MYOF: variants seen among roughly 807,000 people sequenced by gnomAD.
The protein encoded by MYOF is fer-1-like 3, myoferlin.
Under a neutral mutation model 284.2 loss-of-function variants are expected in MYOF, and 244 were observed. The ratio of observed to expected loss-of-function variants is 0.86; its 90% CI spans 0.77 to 0.95. The LOEUF (loss-of-function observed/expected upper bound fraction) is 0.95, where lower values mean the gene tolerates loss of function less well. Ranked by LOEUF, MYOF falls within the 40% of genes least tolerant of loss-of-function variation. The probability of loss-of-function intolerance (pLI) is 0.00; values close to 1 mark genes in which losing one functional copy is unlikely to be tolerated. For missense variants in MYOF, 2,496 were observed against 2,560.6 expected (o/e 0.97, Z 0.54); for synonymous variants, 904 against 919.7 (o/e 0.98, Z 0.31).
In MYOF at chr10:93,333,309, C is replaced by G. The variant is rs764941052; in HGVS notation, c.4723G>C (p.Asp1575His). ...LQPQDNNGLCDPYIKITLGKK... is the reference protein window; with the variant it reads ...LQPQDNNGLCHPYIKITLGKK... Reference sequence around the variant, plus strand: ...CCCAGTGTTATTTTTATGTAAGGGTCACACTGTGGGACAAAATAGACGGGA... The same window carrying G: ...CCCAGTGTTATTTTTATGTAAGGGTGACACTGTGGGACAAAATAGACGGGA... Residue 1575 changes from aspartate to histidine, a missense_variant, in exon 43 of 54, where the codon GAC (aspartate) becomes CAC (histidine). Physicochemically the swap from Asp to His is moderately conservative, Grantham distance 81. Around this residue, in one of 3 missense-constraint regions of MYOF, gnomAD observed 2,436 missense variants for 2,480.7 expected, o/e 0.98. Transcript: ENST00000359263. 13 of 1,613,264 alleles carry G rather than the reference C, an allele frequency of 8.1e-6. No homozygotes were observed. The East Asian group carries it at 2.7e-4, about 33-fold the overall frequency.
At chr10:93,399,029 TG>T (rs67935510) in intron 13 of MYOF, among the ~76,000 whole-genome samples, 122,053 of 150,732 alleles carry the variant, frequency 0.81, 50,623 homozygotes, top group East Asian at 0.99. Context: ...AACAGGGCAC[TG>T]GGGGGGGGTC....
intron 3 of MYOF, among the ~76,000 whole-genome samples, chr10:93,440,654 T>G (rs909223754): frequency 3.9e-5 from 6 of 152,164 alleles, no homozygotes; most frequent in Non-Finnish European, 8.8e-5. Flanking sequence ...CATTAGTAAA[T>G]ATTTGTGGCA....
At chr10:93,364,363 G>T (rs947186389) in intron 26 of MYOF, among the ~76,000 whole-genome samples, 8 of 152,218 alleles carry the variant, frequency 5.3e-5, no homozygotes, top group African/African-American at 1.9e-4. Flanking sequence ...ACAGTATTGT[G>T]GGCAGCTTCT....
chr10:93,383,450 G>A (rs1044949268), intron 19 of MYOF, among the ~76,000 whole-genome samples: 1 of 152,060 alleles, frequency 6.6e-6, no homozygotes, highest in Non-Finnish European at 1.5e-5. Context: ...AAGCTTTGAC[G>A]GGAGCATTGT....
intron 12 of MYOF, among the ~76,000 whole-genome samples, chr10:93,400,024 C>G (rs1847199283): frequency 6.6e-6 from 1 of 152,104 alleles, no homozygotes; most frequent in Non-Finnish European, 1.5e-5. Flanking sequence ...GAGTGAGGCT[C>G]TATCTCAAAA....
intron 3 of MYOF, among the ~76,000 whole-genome samples, chr10:93,433,518 GT>G (rs1384958458): frequency 3.9e-5 from 6 of 152,316 alleles, no homozygotes; most frequent in Admixed American, 1.3e-4. Context: ...GCACTGACTT[GT>G]ACTAGCAGAT....
At chr10:93,401,170 AAG>A (rs561505646) in intron 12 of MYOF, among the ~76,000 whole-genome samples, 4 of 152,182 alleles carry the variant, frequency 2.6e-5, no homozygotes, top group Non-Finnish European at 5.9e-5. Context: ...ATAGAATAGC[AAG>A]AGAGAGAGTC....
Position 93,356,713 on chromosome 10 carries a change from G to A in MYOF, c.3256C>T (p.His1086Tyr). The A allele has an allele frequency of 1.2e-6, 2 of 1,614,138 alleles. No individual in the cohort carries two copies. Among genetic ancestry groups the A allele is most frequent in the Non-Finnish European group, 1.7e-6 (2 of 1,180,006 alleles). Residue 1086 changes from histidine (H) to tyrosine (Y), a missense_variant, in exon 30 of 54, where the codon CAT becomes TAT. Physicochemically the swap from His to Tyr is moderately conservative, Grantham distance 83 (BLOSUM62 2). Coordinates refer to ENST00000359263, the MANE Select transcript of MYOF (RefSeq NM_013451.4). ...WRRKMAPSET[H>Y]GAAAIFKLEG... ...AGTTTAAAGATGGCAGCTGCACCATGTGTTTCTGAAGGAGCCATTTTTCTC... is the reference window on the plus strand; with the variant it reads ...AGTTTAAAGATGGCAGCTGCACCATATGTTTCTGAAGGAGCCATTTTTCTC...
At chr10:93,345,115 C>G (rs1324337382) in intron 37 of MYOF, among the ~76,000 whole-genome samples, 1 of 152,172 alleles carries the variant, frequency 6.6e-6, no homozygotes, top group Non-Finnish European at 1.5e-5. Flanking sequence ...GCCAAGCCAA[C>G]AGAACTTTCT....
intron 1 of MYOF, among the ~76,000 whole-genome samples, chr10:93,470,057 A>G (rs2057103365): frequency 6.6e-6 from 1 of 151,848 alleles, no homozygotes; most frequent in Non-Finnish European, 1.5e-5. Context: ...GGTGAAACCC[A>G]GTCTCTGCTA....
At chr10:93,445,601 A>G (rs939164455) in intron 3 of MYOF, among the ~76,000 whole-genome samples, 1 of 152,220 alleles carries the variant, frequency 6.6e-6, no homozygotes, top group Admixed American at 6.5e-5. Flanking sequence ...ACACTGAACA[A>G]GGCAACCCGC....
At chr10:93,319,215 T>G (rs1369918404) in intron 49 of MYOF, among the ~76,000 whole-genome samples, 1 of 152,216 alleles carries the variant, frequency 6.6e-6, no homozygotes, top group Non-Finnish European at 1.5e-5. Flanking sequence ...GGACAGGATG[T>G]GAGCTGAGGC....
At chr10:93,364,098 G>A in intron 26 of MYOF, 23 bp from the exon 27 acceptor site, 3 of 1,604,968 alleles carry the variant, frequency 1.9e-6, no homozygotes, top group Non-Finnish European at 2.6e-6. Flanking sequence ...GAGGGCTCAA[G>A]TTACCCAAGG....
At chr10:93,351,378 T>G (rs1844499459) in intron 34 of MYOF, 35 bp downstream of exon 34, 3 of 1,611,482 alleles carry the variant, frequency 1.9e-6, no homozygotes, top group Non-Finnish European at 2.5e-6. Flanking sequence ...TTTAAGCAGC[T>G]GACAGAATAC....
intron 37 of MYOF, among the ~76,000 whole-genome samples, chr10:93,346,115 T>C (rs1394709488): frequency 2.6e-5 from 4 of 152,254 alleles, no homozygotes; most frequent in Middle Eastern, 3.2e-3. Context: ...CTTGTTGTTA[T>C]CAAAAATGCT....
chr10:93,448,855 C>T (rs1355467420), intron 3 of MYOF, among the ~76,000 whole-genome samples: 12 of 152,102 alleles, frequency 7.9e-5, no homozygotes, highest in Admixed American at 6.6e-4. Flanking sequence ...ATTAGCTGGG[C>T]ATGGTGGTGT....
intron 9 of MYOF, 122 bp downstream of exon 9, chr10:93,403,901 C>T (rs1847417964): frequency 5.8e-6 from 6 of 1,025,836 alleles, no homozygotes; most frequent in East Asian, 2.4e-5. Context: ...CAGCAAGTGT[C>T]ATCATGCTGA....
intron 51 of MYOF, 51 bp downstream of exon 51, chr10:93,312,969 A>C: frequency 9.8e-6 from 15 of 1,535,518 alleles, no homozygotes; most frequent in Non-Finnish European, 1.2e-5. Context: ...GCAAAACCTA[A>C]ATGATAAAAG....
At chr10:93,478,763 C>T (rs556469059) in intron 1 of MYOF, among the ~76,000 whole-genome samples, 10 of 148,334 alleles carry the variant, frequency 6.7e-5, no homozygotes, top group South Asian at 2.2e-4. Flanking sequence ...CCCAGGAGTT[C>T]GAGACCATGA....
Sources: allele counts gnomAD v4.1 joint callset (sites outside exome capture counted in the v4.1 genomes callset), GRCh38; gene constraint gnomAD v4.1.1; regional missense constraint gnomAD v4.1.1; transcripts MANE v1.5; gene names NCBI Gene and HGNC (gene_info 2026-07-23, HGNC 2026-07-21).